The following MMS22L variants were observed in gnomAD, a reference collection of about 807,000 sequenced individuals.
MMS22L encodes MMS22 like, DNA repair protein.
MMS22L carries 74 observed loss-of-function variants against 159.1 expected under a neutral mutation model. The ratio of observed to expected loss-of-function variants is 0.47; its 90% CI spans 0.39 to 0.56. The LOEUF (loss-of-function observed/expected upper bound fraction) is 0.56, where lower values mean the gene tolerates loss of function less well. Ranked by LOEUF, MMS22L falls within the 20% of genes least tolerant of loss-of-function variation. The pLI, the probability that MMS22L is intolerant of heterozygous loss-of-function variation, is 0.00. For missense variants in MMS22L, 1,351 were observed against 1,422.1 expected, an observed-to-expected ratio of 0.95 and a Z score of 0.80; for synonymous variants, 517 against 506.9, an observed-to-expected ratio of 1.02 and a Z score of -0.27.
chr6:97,182,180 C>A, intron 15 of MMS22L, 126 bp from the exon 16 acceptor site: 2 of 765,594 alleles, frequency 2.6e-6, no homozygotes, highest in Non-Finnish European at 2.0e-6. Flanking sequence ...AAATGTTCTA[C>A]TTAGAAATGT....
rs377583872 is a variant in MMS22L, at chr6:97,228,442, C to T, written c.2039+452G>A. Among the ~76,000 whole-genome samples the T allele has an allele frequency of 3.3e-5, 5 of 152,148 alleles. No individual in the cohort carries two copies. In the East Asian group the frequency reaches 7.7e-4, roughly 23 times the overall value. On this transcript the variant is annotated intron_variant, in intron 14 of 24. Coordinates refer to ENST00000683635, the MANE Select transcript of MMS22L (RefSeq NM_001350599.2). ...CCCAAAATTCAAAACTTTTTGAGTG[C>T]CAACATGACACTACAAGTGGAAAAT... is the stretch of plus-strand genomic sequence containing the variant.
rs1813590962 is a variant in MMS22L at position 97,254,606 on chromosome 6, T to A, written c.1070A>T (p.His357Leu). Residue 357 changes from histidine (H) to leucine (L), a missense_variant, in exon 10 of 25, where the codon CAT (histidine) becomes CTT (leucine). Physicochemically the swap from His to Leu is moderately conservative, Grantham distance 99. Coordinates refer to ENST00000683635, the MANE Select transcript of MMS22L (RefSeq NM_001350599.2). ...ATCAAACTTGTAAAATGATGCTACA[T>A]GAGTAATAATCCACCAACTAAAACC... is the stretch of plus-strand genomic sequence containing the variant. ...PLGFSWWIIT[H>L]VASFYKFDRH... 6.2e-7 allele frequency: 1 copy of A among 1,613,668 alleles called. No homozygotes were observed. Among genetic ancestry groups the A allele is most frequent in the Non-Finnish European group, 8.5e-7 (1 of 1,179,776 alleles).
intron 9 of MMS22L, 151 bp downstream of exon 9, chr6:97,263,184 G>T: frequency 1.9e-6 from 1 of 515,288 alleles, no homozygotes; most frequent in Non-Finnish European, 3.4e-6. Context: ...TAAAAATAAA[G>T]TAGATATTCA....
In MMS22L at chr6:97,151,322, C is replaced by T. The variant is rs141464183; in HGVS notation, c.3482+449G>A. On this transcript the variant is annotated intron_variant, in intron 23 of 24. Transcript: ENST00000683635. ...ATATTTACCACTGTGTTACAACTGC[C>T]TACAGCATTCAGTGCAGAGACATGT... is the stretch of plus-strand genomic sequence containing the variant. Among the ~76,000 whole-genome samples, 5 of 152,262 alleles carry T rather than the reference C, an allele frequency of 3.3e-5. No homozygotes were observed. The East Asian group carries it at 9.7e-4, about 29-fold the overall frequency.
In MMS22L at chr6:97,278,846, T is replaced by C. The variant is rs1816488233; in HGVS notation, c.340+3A>G. ...TTTTGCATTAAACACACCTTAAACTTACCAAAATCACAACTGGACTGTAAC... is the reference window on the plus strand; with the variant it reads ...TTTTGCATTAAACACACCTTAAACTCACCAAAATCACAACTGGACTGTAAC... On this transcript the variant is annotated splice_donor_region_variant and intron_variant, in intron 4 of 24. Coordinates refer to ENST00000683635, the MANE Select transcript of MMS22L (RefSeq NM_001350599.2). 1.2e-6 allele frequency: 2 copies of C among 1,612,896 alleles called. No homozygotes were observed. Among genetic ancestry groups the C allele is most frequent in the Non-Finnish European group, 1.7e-6 (2 of 1,179,462 alleles).
At chr6:97,271,475 A>G (rs1422002410) in intron 6 of MMS22L, 1 of 152,216 alleles carries the variant, frequency 6.6e-6, no homozygotes, top group Non-Finnish European at 1.5e-5. Flanking sequence ...TAAGGAAAAT[A>G]TCCCTCCCTC....
chr6:97,252,095 A>C (rs1813300284), intron 10 of MMS22L, among the ~76,000 whole-genome samples: 1 of 151,954 alleles, frequency 6.6e-6, no homozygotes, highest in Non-Finnish European at 1.5e-5. Context: ...AAAAAAAAAA[A>C]AAGAAATAGA....
Position 97,254,678 on chromosome 6 carries a change from T to C in MMS22L, c.998A>G (p.Asp333Gly), listed in dbSNP as rs1334142901. 1 of 1,611,670 alleles carries C rather than the reference T, an allele frequency of 6.2e-7. No individual in the cohort carries two copies. Among genetic ancestry groups the C allele is most frequent in the Non-Finnish European group, 8.5e-7 (1 of 1,179,320 alleles). Residue 333 changes from aspartate (D) to glycine (G), a missense_variant, in exon 10 of 25, where the codon GAC becomes GGC. By Grantham distance (94) the Asp-to-Gly change is moderately conservative. Coordinates refer to ENST00000683635, the MANE Select transcript of MMS22L (RefSeq NM_001350599.2). Reference protein sequence around the residue: ...LLKTLLEKSSDRRRSSMPVIQ... With the variant: ...LLKTLLEKSSGRRRSSMPVIQ... ...TACAGGCATAGAGGATCTTCTTCGG[T>C]CACTTGATTTTTCAAGCAGTGTTTT...
At chr6:97,278,981 A>T in intron 3 of MMS22L, 83 bp from the exon 4 acceptor site, 2 of 1,114,826 alleles carry the variant, frequency 1.8e-6, no homozygotes, top group Non-Finnish European at 2.7e-6. Flanking sequence ...TTTCCAAATT[A>T]CACAGCTTCA....
chr6:97,241,575 G>A (rs552868664), intron 11 of MMS22L, among the ~76,000 whole-genome samples: 1 of 152,028 alleles, frequency 6.6e-6, no homozygotes, highest in South Asian at 2.1e-4. Context: ...TTTTTCATCT[G>A]TTTCTTGGCC....
chr6:97,236,184 C>G (rs1562490782), intron 11 of MMS22L, among the ~76,000 whole-genome samples: 1 of 151,892 alleles, frequency 6.6e-6, no homozygotes, highest in Non-Finnish European at 1.5e-5. Flanking sequence ...CAAAAATTAG[C>G]TGGACGAGAT....
At chr6:97,235,769 A>G (rs903302505) in intron 11 of MMS22L, among the ~76,000 whole-genome samples, 6 of 152,168 alleles carry the variant, frequency 3.9e-5, no homozygotes, top group African/African-American at 9.7e-5. Context: ...TTTAAGTGAA[A>G]ATACACAAAC....
rs887490930 is a variant in MMS22L at position 97,153,097 on chromosome 6, G to A, written c.3386-1230C>T. On this transcript the variant is annotated intron_variant, in intron 22 of 24. Transcript: ENST00000683635. ...TCTCAAGTGATCCTCCCACCTTGGC[G>A]TCCCAAAGCACTGGGATTACATGTG... Among the ~76,000 whole-genome samples the A allele has an allele frequency of 3.3e-5, 5 of 151,738 alleles. No homozygotes were observed. The East Asian group carries it at 5.9e-4, about 18-fold the overall frequency.
chr6:97,278,920 G>A (rs369092213), intron 3 of MMS22L, 22 bp from the exon 4 acceptor site: 11 of 1,606,774 alleles, frequency 6.8e-6, no homozygotes, highest in Admixed American at 5.0e-5. Flanking sequence ...AATGTAAGGT[G>A]AGAGTTAATT....
chr6:97,278,883 G>A lies in MMS22L; in HGVS notation c.306C>T (p.Asn102=). The change falls in exon 4 of 25, where the codon AAC becomes AAT. Residue 102 remains asparagine, a synonymous_variant. Coordinates refer to ENST00000683635, the MANE Select transcript of MMS22L (RefSeq NM_001350599.2). ...AACTGGACTGTAACAAGGTTTCCAA[G>A]TTGTACAGTTGTTGCCTAATTTTAA... ...LFHLFRQQLY[N]LETLLQSSCD... is the part of the protein sequence containing the mutation. 6.2e-7 allele frequency: 1 copy of A among 1,613,116 alleles called. No individual in the cohort carries two copies. Among genetic ancestry groups the A allele is most frequent in the Admixed American group, 1.7e-5 (1 of 59,894 alleles).
chr6:97,215,116 T>TATATA (rs1410024960), intron 14 of MMS22L, among the ~76,000 whole-genome samples: 37 of 132,048 alleles, frequency 2.8e-4, no homozygotes, highest in East Asian at 1.0e-3. Context: ...ATATATATAT[T>TATATA]TTTTTTTTGC....
chr6:97,183,305 A>G (rs1804910537), intron 15 of MMS22L, among the ~76,000 whole-genome samples: 1 of 152,072 alleles, frequency 6.6e-6, no homozygotes, highest in African/African-American at 2.4e-5. Flanking sequence ...TATTATACTC[A>G]TTCATTTATA....
At chr6:97,193,792 G>A (rs537992813) in intron 14 of MMS22L, among the ~76,000 whole-genome samples, 6 of 152,118 alleles carry the variant, frequency 3.9e-5, no homozygotes, top group Non-Finnish European at 8.8e-5. Context: ...ACGGAGTCTC[G>A]CTCTGTCACC....
intron 14 of MMS22L, among the ~76,000 whole-genome samples, chr6:97,195,730 G>GA (rs1406957302): frequency 6.6e-6 from 1 of 152,100 alleles, no homozygotes; most frequent in Admixed American, 6.5e-5. Context: ...GTGATATAAT[G>GA]AAAAAAGTGC....
Sources: allele counts gnomAD v4.1 joint callset (sites outside exome capture counted in the v4.1 genomes callset), GRCh38; gene constraint gnomAD v4.1.1; transcripts MANE v1.5; gene names NCBI Gene and HGNC (gene_info 2026-07-23, HGNC 2026-07-21).